Variants in ANKS1B observed in about 807,000 individuals in gnomAD.
ANKS1B encodes the protein ankyrin repeat and sterile alpha motif domain containing 1B.
Under a neutral mutation model 148.3 loss-of-function variants are expected in ANKS1B, and 36 were observed. The observed-to-expected ratio is 0.24, with a 90% confidence interval of 0.19 to 0.32. ANKS1B has a LOEUF of 0.32. Ranked by LOEUF, ANKS1B falls within the 10% of genes least tolerant of loss-of-function variation. ANKS1B has a pLI of 1.00. For missense variants in ANKS1B, 1,157 were observed against 1,542.6 expected, an observed-to-expected ratio of 0.75 and a Z score of 4.19; for synonymous variants, 542 against 560.8, an observed-to-expected ratio of 0.97 and a Z score of 0.47.
intron 12 of ANKS1B, among the ~76,000 whole-genome samples, chr12:99,326,697 A>G (rs1255813487): frequency 6.6e-6 from 1 of 151,788 alleles, no homozygotes; most frequent in Admixed American, 6.6e-5. Context: ...TATATTTCTT[A>G]CTTTTATATT....
At chr12:98,943,415 T>C (rs78949037) in intron 17 of ANKS1B, among the ~76,000 whole-genome samples, 2,143 of 152,356 alleles carry the variant, frequency 0.014, 16 homozygotes, top group Non-Finnish European at 0.022. Context: ...TATTATCTTA[T>C]AGTTCTATTT....
At chr12:99,750,575 C>T (rs2061011722) in intron 8 of ANKS1B, among the ~76,000 whole-genome samples, 1 of 152,014 alleles carries the variant, frequency 6.6e-6, no homozygotes, top group Non-Finnish European at 1.5e-5. Context: ...TTAGCTAAAC[C>T]ATATTTCCTA....
chr12:99,484,509 T>C (rs1002058436), intron 10 of ANKS1B, among the ~76,000 whole-genome samples: 2 of 152,000 alleles, frequency 1.3e-5, no homozygotes. Context: ...CTAAGTACAT[T>C]TGTTGTATTA....
At chr12:99,236,607 T>G (rs2031678600) in intron 14 of ANKS1B, among the ~76,000 whole-genome samples, 1 of 152,164 alleles carries the variant, frequency 6.6e-6, no homozygotes. Flanking sequence ...CAATTCAAGA[T>G]GAGATTTGGG....
chr12:99,289,196 G>A (rs1005917958), intron 12 of ANKS1B, among the ~76,000 whole-genome samples: 1 of 151,994 alleles, frequency 6.6e-6, no homozygotes, highest in Non-Finnish European at 1.5e-5. Flanking sequence ...AACAATAAAG[G>A]TGTCAATTCA....
chr12:99,231,548 A>T (rs528873800), intron 14 of ANKS1B, among the ~76,000 whole-genome samples: 1 of 152,252 alleles, frequency 6.6e-6, no homozygotes, highest in East Asian at 1.9e-4. Context: ...GAATACAAAA[A>T]ATGTTGACAG....
At chr12:99,443,530 C>T (rs1235561923) in intron 11 of ANKS1B, 143 bp downstream of exon 11, 5 of 830,552 alleles carry the variant, frequency 6.0e-6, no homozygotes, top group Admixed American at 3.9e-5. Context: ...AGCAAACATC[C>T]TCTTCTGAGT....
At chr12:99,240,613 C>T (rs1395455287) in intron 14 of ANKS1B, among the ~76,000 whole-genome samples, 1 of 152,004 alleles carries the variant, frequency 6.6e-6, no homozygotes, top group Non-Finnish European at 1.5e-5. Context: ...AGCACCACAT[C>T]CCACTTATTC....
intron 12 of ANKS1B, among the ~76,000 whole-genome samples, chr12:99,308,470 C>G (rs2082654300): frequency 6.6e-6 from 1 of 151,932 alleles, no homozygotes; most frequent in Admixed American, 6.6e-5. Flanking sequence ...GGATTTGCTT[C>G]TAGGCTGTCT....
At chr12:99,369,798 A>G (rs1418347421) in intron 12 of ANKS1B, among the ~76,000 whole-genome samples, 7 of 150,820 alleles carry the variant, frequency 4.6e-5, no homozygotes, top group Admixed American at 2.0e-4. Flanking sequence ...AGATGGACGG[A>G]CGGACAGACG....
downstream of ANKS1B, among the ~76,000 whole-genome samples, chr12:98,743,793 A>AAAG (rs1491519504): frequency 6.6e-6 from 1 of 152,156 alleles, no homozygotes; most frequent in African/African-American, 2.4e-5. Context: ...GGTTAAAATT[A>AAAG]AAGTTTCAGA....
intron 9 of ANKS1B, among the ~76,000 whole-genome samples, chr12:99,553,424 T>C (rs1465682197): frequency 6.6e-6 from 1 of 152,210 alleles, no homozygotes; most frequent in African/African-American, 2.4e-5. Flanking sequence ...TTATTAATAC[T>C]GTTGCTATGG....
At chr12:98,805,244 G>C (rs575153420) in intron 20 of ANKS1B, among the ~76,000 whole-genome samples, 5 of 151,458 alleles carry the variant, frequency 3.3e-5, no homozygotes, top group Non-Finnish European at 7.4e-5. Flanking sequence ...CAAGAATTTT[G>C]TCATGGCTTA....
chr12:99,185,198 T>G (rs1221377717), intron 14 of ANKS1B, among the ~76,000 whole-genome samples: 7 of 152,108 alleles, frequency 4.6e-5, no homozygotes, highest in Non-Finnish European at 5.9e-5. Context: ...TTCAGAAGGA[T>G]CCTAGATTAC....
intron 1 of ANKS1B, among the ~76,000 whole-genome samples, chr12:99,915,042 A>G (rs1330540410): frequency 6.6e-6 from 1 of 152,080 alleles, no homozygotes. Context: ...CTTGACCAAC[A>G]TGGTGAAACC....
chr12:98,858,490 A>G (rs1314355475), intron 17 of ANKS1B, among the ~76,000 whole-genome samples: 2 of 152,132 alleles, frequency 1.3e-5, no homozygotes, highest in Non-Finnish European at 2.9e-5. Context: ...CCACAGGCCC[A>G]TGCTACCATG....
intron 8 of ANKS1B, among the ~76,000 whole-genome samples, chr12:99,729,741 C>T (rs551117761): frequency 1.6e-3 from 247 of 152,266 alleles, no homozygotes; most frequent in African/African-American, 5.7e-3. Context: ...TTAGGTAATA[C>T]ATCATGGCAA....
At chr12:98,812,502 G>A (rs1295945759) in intron 19 of ANKS1B, among the ~76,000 whole-genome samples, 2 of 152,218 alleles carry the variant, frequency 1.3e-5, no homozygotes, top group African/African-American at 4.8e-5. Flanking sequence ...AACTGTCATC[G>A]TGTCAGTGCA....
chr12:98,973,213 C>CAAAAAAAAAA (rs534303391), intron 17 of ANKS1B, among the ~76,000 whole-genome samples: 1 of 103,024 alleles, frequency 9.7e-6, no homozygotes, highest in African/African-American at 5.1e-5. Context: ...AAACGAAATG[C>CAAAAAAAAAA]AAAAAAAAAA....
Sources: allele counts gnomAD v4.1 joint callset (sites outside exome capture counted in the v4.1 genomes callset), GRCh38; gene constraint gnomAD v4.1.1; transcripts MANE v1.5; gene names NCBI Gene and HGNC (gene_info 2026-07-23, HGNC 2026-07-21).